Variants in NLGN4Y observed in about 807,000 individuals in gnomAD.
NLGN4Y encodes the protein neuroligin-4, Y-linked.
In NLGN4Y, 4 loss-of-function variants were observed where a neutral mutation model predicts 8.4. That is an observed-to-expected ratio of 0.48 (90% confidence interval 0.23 to 1.09). The LOEUF is 1.09. Ranked by LOEUF, NLGN4Y falls within the 50% of genes least tolerant of loss-of-function variation. The pLI is 0.19. For synonymous variants in NLGN4Y, 35 were observed against 75.6 expected (o/e 0.46, Z 2.78); for missense variants, 90 against 192.3 (o/e 0.47, Z 3.15).
At chrY:14,588,463 C>T (rs909110049) in intron 1 of NLGN4Y, among the ~76,000 whole-genome samples, 2 of 33,120 alleles carry the variant, frequency 6.0e-5, no homozygotes, top group Non-Finnish European at 1.5e-4. Context: ...TGGAAACTGC[C>T]CCCATGTTTC....
intron 4 of NLGN4Y, among the ~76,000 whole-genome samples, chrY:14,795,599 C>T: frequency 3.0e-5 from 1 of 33,033 alleles, no homozygotes; most frequent in African/African-American, 1.2e-4. Flanking sequence ...TAAAAAATTC[C>T]TTAATTAATA....
At chrY:14,640,812 T>A in intron 2 of NLGN4Y, among the ~76,000 whole-genome samples, 2 of 34,221 alleles carry the variant, frequency 5.8e-5, no homozygotes, top group African/African-American at 2.3e-4. Context: ...GCTGCTATTT[T>A]GTGAGCTCTG....
intron 1 of NLGN4Y, among the ~76,000 whole-genome samples, chrY:14,587,809 A>G: frequency 3.0e-5 from 1 of 32,890 alleles, no homozygotes; most frequent in Non-Finnish European, 7.5e-5. Context: ...TTGAATACCA[A>G]TGCTTAACCC....
chrY:14,625,703 C>G (rs2080525208), intron 2 of NLGN4Y, among the ~76,000 whole-genome samples: 1 of 33,549 alleles, frequency 3.0e-5, no homozygotes, highest in African/African-American at 1.2e-4. Context: ...ATCTCACATA[C>G]TAAGTTCATG....
chrY:14,765,941 G>A, intron 4 of NLGN4Y, among the ~76,000 whole-genome samples: 2 of 32,992 alleles, frequency 6.1e-5, no homozygotes, highest in Non-Finnish European at 1.5e-4. Context: ...CTAAAACAAC[G>A]TAACATTCTG....
chrY:14,603,175 C>G (rs2080435032), intron 1 of NLGN4Y, among the ~76,000 whole-genome samples: 1 of 31,707 alleles, frequency 3.2e-5, no homozygotes, highest in African/African-American at 1.2e-4. Context: ...GTGTGTGTGT[C>G]TACTTTCACC....
intron 4 of NLGN4Y, among the ~76,000 whole-genome samples, chrY:14,787,823 G>A (rs765016074): frequency 3.0e-5 from 1 of 33,301 alleles, no homozygotes; most frequent in South Asian, 6.8e-4. Context: ...AAACTTCCCC[G>A]GCCTATCTCA....
chrY:14,671,869 A>G (rs962964356), intron 2 of NLGN4Y, among the ~76,000 whole-genome samples: 40 of 31,639 alleles, frequency 1.3e-3, no homozygotes, highest in African/African-American at 4.6e-3. Context: ...AAATAAAAAT[A>G]AAATAAAAAT....
At chrY:14,754,201 C>T in intron 4 of NLGN4Y, among the ~76,000 whole-genome samples, 1 of 32,427 alleles carries the variant, frequency 3.1e-5, no homozygotes, top group African/African-American at 1.2e-4. Context: ...GGTGAAACTC[C>T]GTTTCTACTA....
intron 4 of NLGN4Y, among the ~76,000 whole-genome samples, chrY:14,814,697 C>A (rs2043094372): frequency 3.0e-5 from 1 of 33,371 alleles, no homozygotes; most frequent in Non-Finnish European, 7.4e-5. Context: ...GGTGCAGAGT[C>A]CTCCTTTCTC....
intron 1 of NLGN4Y, among the ~76,000 whole-genome samples, chrY:14,606,274 A>G (rs2080446679): frequency 3.0e-5 from 1 of 33,528 alleles, no homozygotes; most frequent in Non-Finnish European, 7.4e-5. Flanking sequence ...AGATGTCTCA[A>G]GTGCTTCTTG....
intron 2 of NLGN4Y, among the ~76,000 whole-genome samples, chrY:14,690,855 T>C (rs2080807700): frequency 2.4e-4 from 8 of 32,973 alleles, no homozygotes; most frequent in Non-Finnish European, 4.5e-4. Context: ...ACTACTACTG[T>C]GTGTGGGGTA....
At chrY:14,632,606 C>T in intron 2 of NLGN4Y, among the ~76,000 whole-genome samples, 2 of 33,205 alleles carry the variant, frequency 6.0e-5, no homozygotes, top group African/African-American at 2.4e-4. Flanking sequence ...AGAGTGAGAC[C>T]GATGTTTTAA....
chrY:14,534,103 A>G (rs2080123042), intron 1 of NLGN4Y, among the ~76,000 whole-genome samples: 2 of 33,285 alleles, frequency 6.0e-5, no homozygotes, highest in South Asian at 6.7e-4. Context: ...TCCTTTAGGT[A>G]TATACGCAGT....
intron 1 of NLGN4Y, among the ~76,000 whole-genome samples, chrY:14,527,534 GT>G (rs2080097763): frequency 3.0e-5 from 1 of 33,760 alleles, no homozygotes; most frequent in South Asian, 6.6e-4. Context: ...ATCCATTGCT[GT>G]TTTTTGTTTT....
At chrY:14,688,565 A>C in intron 2 of NLGN4Y, among the ~76,000 whole-genome samples, 1 of 32,816 alleles carries the variant, frequency 3.0e-5, no homozygotes, top group African/African-American at 1.2e-4. Context: ...GAGGCAACCA[A>C]AAAGTGTCAT....
At chrY:14,635,482 G>C in intron 2 of NLGN4Y, among the ~76,000 whole-genome samples, 3 of 31,945 alleles carry the variant, frequency 9.4e-5, no homozygotes, top group Admixed American at 5.7e-4. Context: ...GGATTTCAGG[G>C]GAAGGAAAAT....
chrY:14,680,520 G>A (rs2080764960), intron 2 of NLGN4Y, among the ~76,000 whole-genome samples: 1 of 33,042 alleles, frequency 3.0e-5, no homozygotes, highest in East Asian at 8.1e-4. Flanking sequence ...TAATGAAGCT[G>A]ACCCACAGGA....
intron 2 of NLGN4Y, among the ~76,000 whole-genome samples, chrY:14,636,954 A>C: frequency 3.0e-5 from 1 of 33,605 alleles, no homozygotes; most frequent in Non-Finnish European, 7.3e-5. Context: ...TTTGAGATAA[A>C]ATAATGAGTT....
Sources: gnomAD v4.1 joint callset for allele counts (sites outside exome capture counted in the v4.1 genomes callset) on GRCh38, gnomAD v4.1.1 for gene constraint, MANE v1.5 for transcripts, NCBI Gene and HGNC (gene_info 2026-07-23, HGNC 2026-07-21) for gene names.